ITPR2: variants seen among roughly 807,000 people sequenced by gnomAD.
ITPR2 encodes inositol 1,4,5-trisphosphate receptor type 2, also known as inositol 1,4,5-trisphosphate-gated calcium channel ITPR2.
In ITPR2, 207 loss-of-function variants were observed where a neutral mutation model predicts 317.1. The observed-to-expected ratio is 0.65, with a 90% CI of 0.58 to 0.73. The LOEUF is 0.73. ITPR2 is among the 30% of genes least tolerant of loss of function. ITPR2 has a pLI of 0.00. For missense variants in ITPR2, 2,613 were observed against 3,284.0 expected (o/e 0.80, Z 4.99); for synonymous variants, 1,156 against 1,149.1 (o/e 1.01, Z -0.12).
chr12:26,511,542 T>G (rs1398505569), intron 37 of ITPR2, among the ~76,000 whole-genome samples: 1 of 152,258 alleles, frequency 6.6e-6, no homozygotes, highest in South Asian at 2.1e-4. Context: ...AAGTATTTAC[T>G]GTCTCACCCA....
chr12:26,744,614 CG>C (rs1949288785), intron 2 of ITPR2, among the ~76,000 whole-genome samples: 2 of 151,784 alleles, frequency 1.3e-5, no homozygotes, highest in South Asian at 4.2e-4. Flanking sequence ...CATGAACATA[CG>C]AATAAAAAAA....
At chr12:26,350,125 T>G (rs982948345) in intron 55 of ITPR2, among the ~76,000 whole-genome samples, 3 of 152,126 alleles carry the variant, frequency 2.0e-5, no homozygotes, top group Non-Finnish European at 4.4e-5. Flanking sequence ...TCTGTAGGTG[T>G]GAGCCTGAAG....
At chr12:26,343,727 A>G (rs895703284) in intron 55 of ITPR2, among the ~76,000 whole-genome samples, 1 of 152,118 alleles carries the variant, frequency 6.6e-6, no homozygotes, top group African/African-American at 2.4e-5. Context: ...AGGAGGTATT[A>G]AAGGATAGGA....
In ITPR2 at chr12:26,564,160, G is replaced by T. The variant is rs112739235; in HGVS notation, c.4631-2208C>A. On this transcript the variant is annotated intron_variant, in intron 34 of 56. Coordinates refer to ENST00000381340, the MANE Select transcript of ITPR2 (RefSeq NM_002223.4). ...AGAAACACAATTGGTAATCTGGAAA[G>T]GAAGTCAAGGAATCTTCTAAAAATT... Among the ~76,000 whole-genome samples, 100 of 152,206 alleles carry T rather than the reference G, an allele frequency of 6.6e-4. 1 individual carries two copies. Among genetic ancestry groups the T allele is most frequent in the African/African-American group, 2.3e-3 (97 of 41,526 alleles).
intron 34 of ITPR2, among the ~76,000 whole-genome samples, chr12:26,572,233 G>C (rs558106648): frequency 6.6e-6 from 1 of 152,238 alleles, no homozygotes; most frequent in South Asian, 2.1e-4. Context: ...ACCCAACAAA[G>C]TTTTATGGGA....
intron 55 of ITPR2, among the ~76,000 whole-genome samples, chr12:26,341,878 C>T (rs1218882286): frequency 6.6e-6 from 1 of 152,230 alleles, no homozygotes; most frequent in African/African-American, 2.4e-5. Flanking sequence ...ACCCCACCAC[C>T]TCTTACCAAA....
At chr12:26,785,554 TGG>T (rs1165122699) in intron 2 of ITPR2, among the ~76,000 whole-genome samples, 1 of 17,510 alleles carries the variant, frequency 5.7e-5, no homozygotes, top group African/African-American at 1.5e-4. Context: ...AGGAGGGAGG[TGG>T]GGGGGGTCAG....
chr12:26,447,683 T>G (rs1341504593), intron 45 of ITPR2, among the ~76,000 whole-genome samples: 1 of 152,002 alleles, frequency 6.6e-6, no homozygotes, highest in Non-Finnish European at 1.5e-5. Flanking sequence ...ATTCCTATTA[T>G]ATAGACAAAA....
At chr12:26,820,394 G>A (rs544488587) in intron 1 of ITPR2, among the ~76,000 whole-genome samples, 4 of 152,234 alleles carry the variant, frequency 2.6e-5, no homozygotes, top group East Asian at 1.9e-4. Flanking sequence ...GGAGCCAAGC[G>A]CTTTGAGATA....
At chr12:26,723,316 G>A (rs1948867685) in intron 4 of ITPR2, among the ~76,000 whole-genome samples, 1 of 152,012 alleles carries the variant, frequency 6.6e-6, no homozygotes, top group Non-Finnish European at 1.5e-5. Flanking sequence ...ATTTTAAAAT[G>A]CTCATTATCA....
chr12:26,539,029 C>A (rs1370275273), intron 37 of ITPR2, among the ~76,000 whole-genome samples: 1 of 152,136 alleles, frequency 6.6e-6, no homozygotes, highest in Admixed American at 6.5e-5. Flanking sequence ...TCTAGATATG[C>A]CTAGTCAACA....
At chr12:26,365,797 A>T (rs12424679) in intron 55 of ITPR2, among the ~76,000 whole-genome samples, 2,175 of 152,350 alleles carry the variant, frequency 0.014, 180 homozygotes, top group Admixed American at 0.13. Context: ...TAAACACAAA[A>T]GCCAATGAGC....
intron 2 of ITPR2, among the ~76,000 whole-genome samples, chr12:26,772,733 T>A (rs1406977901): frequency 2.6e-5 from 4 of 150,968 alleles, no homozygotes; most frequent in Admixed American, 1.3e-4. Context: ...TCCAATATCT[T>A]TTTTTTTCTT....
intron 39 of ITPR2, among the ~76,000 whole-genome samples, chr12:26,493,824 C>T (rs968499492): frequency 4.6e-5 from 7 of 152,194 alleles, no homozygotes; most frequent in African/African-American, 1.4e-4. Context: ...CTACGGGCCA[C>T]TTGGCAGAAG....
intron 10 of ITPR2, 148 bp from the exon 11 acceptor site, chr12:26,686,780 A>T: frequency 1.4e-6 from 1 of 697,174 alleles, no homozygotes; most frequent in East Asian, 2.7e-5. Flanking sequence ...CACTAGCTCT[A>T]GCCCGACAGC....
chr12:26,466,255 G>A (rs774014821), intron 45 of ITPR2, among the ~76,000 whole-genome samples: 7 of 152,214 alleles, frequency 4.6e-5, no homozygotes, highest in Non-Finnish European at 7.3e-5. Flanking sequence ...GCGTTCTGCA[G>A]AATGGTTCTG....
At chr12:26,580,549 GTAGT>G (rs1473572709) in intron 32 of ITPR2, among the ~76,000 whole-genome samples, 18 of 152,246 alleles carry the variant, frequency 1.2e-4, no homozygotes, top group African/African-American at 3.1e-4. Flanking sequence ...GTGATTAATG[GTAGT>G]TAGTAACTCC....
chr12:26,603,382 T>C (rs2344497), intron 26 of ITPR2, among the ~76,000 whole-genome samples: 18,649 of 152,210 alleles, frequency 0.12, 1,594 homozygotes, highest in Admixed American at 0.19. Context: ...ATCACAAATA[T>C]GGGGAGTGGA....
At chr12:26,550,192 A>G in intron 37 of ITPR2, 55 bp downstream of exon 37, 1 of 694,274 alleles carries the variant, frequency 1.4e-6, no homozygotes, top group South Asian at 1.8e-5. Flanking sequence ...CATAGGTTAC[A>G]GTATTGGGGA....
Sources: gnomAD v4.1 joint callset for allele counts (sites outside exome capture counted in the v4.1 genomes callset) on GRCh38, gnomAD v4.1.1 for gene constraint, MANE v1.5 for transcripts, NCBI Gene and HGNC (gene_info 2026-07-23, HGNC 2026-07-21) for gene names.